The following ATG2A variants were observed in gnomAD, a reference collection of about 807,000 sequenced individuals.
The protein encoded by ATG2A is autophagy related 2A, also known as autophagy-related protein 2 homolog A.
ATG2A carries 103 observed loss-of-function variants against 214.2 expected under a neutral mutation model. The observed-to-expected ratio is 0.48, with a 90% CI of 0.41 to 0.57. ATG2A has a LOEUF of 0.57. Among genes scored for constraint, ATG2A ranks in the 20% least tolerant of loss-of-function variants. The probability of loss-of-function intolerance (pLI) is 0.00; values close to 1 mark genes in which losing one functional copy is unlikely to be tolerated. For synonymous variants in ATG2A, 1,160 were observed against 1,142.1 expected (o/e 1.02, Z -0.32); for missense variants, 2,312 against 2,613.2 (o/e 0.88, Z 2.51).
chr11:64,903,761 A>T lies in ATG2A; in HGVS notation c.3465-101T>A. ...CCCAAGCCCACAGGAGGTGGTATGGACAGGCCCCTCCAGCCTCAGCGTTCC... is the reference window on the plus strand; with the variant it reads ...CCCAAGCCCACAGGAGGTGGTATGGTCAGGCCCCTCCAGCCTCAGCGTTCC... On this transcript the variant is annotated intron_variant, in intron 24 of 40. Coordinates refer to ENST00000377264, the MANE Select transcript of ATG2A (RefSeq NM_015104.3). The surrounding 1 kb of genome is among the most constrained non-coding windows in gnomAD (Gnocchi z 4.2). 8.6e-7 allele frequency: 1 copy of T among 1,158,186 alleles called. No individual in the cohort carries two copies. Among genetic ancestry groups the T allele is most frequent in the African/African-American group, 1.5e-5 (1 of 64,544 alleles). The allele number at this position is 1,158,186 out of a possible 1,614,324, so 71.7% of individuals were successfully genotyped here.
intron 36 of ATG2A, 33 bp from the exon 37 acceptor site, chr11:64,897,527 T>C: frequency 6.3e-7 from 1 of 1,589,632 alleles, no homozygotes; most frequent in Non-Finnish European, 8.6e-7. Context: ...GTTTACCCAA[T>C]GGGACTCAGG....
At chr11:64,912,453 T>TA in intron 6 of ATG2A, 30 bp from the exon 7 acceptor site, 2 of 1,525,058 alleles carry the variant, frequency 1.3e-6, no homozygotes, top group Non-Finnish European at 1.8e-6. Context: ...CCATGGAGCC[T>TA]AGGCCCACCA....
In ATG2A at chr11:64,910,718, G is replaced by A. The variant is rs1274906375; in HGVS notation, c.1615-10C>T. ...CAGGAAAGGTCAGGATCTGGGATGG[G>A]ACCCGGGAGGCACACAGGGTCAGGC... On this transcript the variant is annotated splice_polypyrimidine_tract_variant and intron_variant, in intron 11 of 40. Coordinates refer to ENST00000377264, the MANE Select transcript of ATG2A (RefSeq NM_015104.3). 3.7e-6 allele frequency: 6 copies of A among 1,609,904 alleles called. No individual in the cohort carries two copies. Among genetic ancestry groups the A allele is most frequent in the Non-Finnish European group, 5.1e-6 (6 of 1,178,416 alleles).
Position 64,901,071 on chromosome 11 carries a change from C to T in ATG2A, c.4141G>A (p.Val1381Met). 1 of 1,573,206 alleles carries T rather than the reference C, an allele frequency of 6.4e-7. No homozygotes were observed. Among genetic ancestry groups the T allele is most frequent in the Non-Finnish European group, 8.6e-7 (1 of 1,159,556 alleles). The change falls in exon 30 of 41, where the codon GTG becomes ATG. Residue 1381 changes from valine (V) to methionine (M), a missense_variant. Physicochemically the swap from Val to Met is conservative, Grantham distance 21 (BLOSUM62 1). Coordinates refer to ENST00000377264, the MANE Select transcript of ATG2A (RefSeq NM_015104.3). ...GIPPRDGEPV[V>M]TQLHPGPIVV... Reference sequence around the variant, plus strand: ...ATGGGGCCGGGATGCAGCTGTGTCACCACAGGCTCCCCATCTCGGGGCTGC... The same window carrying T: ...ATGGGGCCGGGATGCAGCTGTGTCATCACAGGCTCCCCATCTCGGGGCTGC...
chr11:64,897,409 C>T lies in ATG2A; in HGVS notation c.5150+3G>A, dbSNP rs1944192308. On this transcript the variant is annotated splice_donor_region_variant and intron_variant, in intron 37 of 40. Transcript: ENST00000377264. The stretch of plus-strand genomic sequence containing the variant: ...GAGAGAGGCTGGGGTGCTGGGGACT[C>T]ACCCGTGCCTGCAACAGAGCCGCTT... The T allele has an allele frequency of 6.4e-7, 1 of 1,559,568 alleles. No homozygotes were observed. Among genetic ancestry groups the T allele is most frequent in the Middle Eastern group, 1.7e-4 (1 of 5,996 alleles).
Position 64,900,532 on chromosome 11 carries a change from G to T in ATG2A, c.4426C>A (p.Arg1476=), listed in dbSNP as rs970063407. The T allele has an allele frequency of 2.2e-5, 35 of 1,613,256 alleles. No homozygotes were observed. The Admixed American group carries it at 5.8e-4, about 27-fold the overall frequency. The change falls in exon 31 of 41, where the codon CGG becomes AGG. Residue 1476 remains arginine (R), a synonymous_variant. Transcript: ENST00000377264. ...ATCTCCATGAGGACATGGTGCTGCCGCCCGCTGCCCCCCTGCGTGCGCCAT... is the reference window on the plus strand; with the variant it reads ...ATCTCCATGAGGACATGGTGCTGCCTCCCGCTGCCCCCCTGCGTGCGCCAT... ...NSWRTQGGSG[R]QHHVLMEIQL... is the part of the protein sequence containing the mutation.
At chr11:64,916,639 G>A (rs1283549958) in intron 1 of ATG2A, among the ~76,000 whole-genome samples, 2 of 151,952 alleles carry the variant, frequency 1.3e-5, no homozygotes, top group African/African-American at 4.8e-5. Context: ...TCCCTCCCCA[G>A]CCCCTCCTCA....
chr11:64,906,738 G>A lies in ATG2A; in HGVS notation c.2910C>T (p.Val970=). 1 of 1,613,700 alleles carries A rather than the reference G, an allele frequency of 6.2e-7. No individual in the cohort carries two copies. The highest frequency in any genetic ancestry group is 8.5e-7 in the Non-Finnish European group (1 of 1,180,018). ...GTCCTGGCTGGCCACAGTACTGGGA[G>A]ACGCTGAAGAGGGTACCGTGCTCCA... ...LDMEHGTLFS[V]SQYCGQPGLG... is the part of the protein sequence containing the mutation. Residue 970 remains valine, a synonymous_variant, in exon 20 of 41, where the codon GTC becomes GTT. Transcript: ENST00000377264.
chr11:64,909,892 C>T lies in ATG2A; in HGVS notation c.1896G>A (p.Thr632=), dbSNP rs149370775. 3.7e-6 allele frequency: 6 copies of T among 1,606,700 alleles called. No homozygotes were observed. The highest frequency in any genetic ancestry group is 2.2e-5 in the East Asian group (1 of 44,750). The change falls in exon 14 of 41, where the codon ACG becomes ACA. Residue 632 remains threonine, a synonymous_variant. Transcript: ENST00000377264. The stretch of plus-strand genomic sequence containing the variant: ...CCCGGGGTGCAGAGAGCCGAAATAC[C>T]GTCTGCTGCTCCATCGCCGGCAGGG... ...TEPLPAMEQQ[T]VFRLSAPRAT...
Position 64,898,903 on chromosome 11 carries a change from G to T in ATG2A, c.4465-61C>A. Reference sequence around the variant, plus strand: ...GGCCCCAAGAGGGAGGGAAGGGCTGGCCCCAGACCCCTTCTCTATTCTTTT... The same window carrying T: ...GGCCCCAAGAGGGAGGGAAGGGCTGTCCCCAGACCCCTTCTCTATTCTTTT... On this transcript the variant is annotated intron_variant, in intron 31 of 40. Transcript: ENST00000377264. The surrounding 1 kb of genome is among the most constrained non-coding windows in gnomAD (Gnocchi z 4.5). 1 of 1,493,004 alleles carries T rather than the reference G, an allele frequency of 6.7e-7. No individual in the cohort carries two copies. Among genetic ancestry groups the T allele is most frequent in the South Asian group, 1.1e-5 (1 of 87,076 alleles). 92.5% of individuals were successfully genotyped at this position (1,493,004 alleles called of 1,614,324 possible). A position where few individuals can be genotyped will look rare whatever the true frequency, so the allele number is the denominator to read the frequency against.
At chr11:64,907,208 A>G (rs1035013723) in intron 19 of ATG2A, 47 bp downstream of exon 19, 78 of 1,455,908 alleles carry the variant, frequency 5.4e-5, no homozygotes, top group Non-Finnish European at 6.6e-5. Flanking sequence ...TCTGCCGCCA[A>G]TGGGAGCTCT....
At position 64,910,084 on chromosome 11, in the gene ATG2A, G is replaced by A. The variant is rs1312068896; in HGVS notation, c.1819C>T (p.Leu607=). The A allele has an allele frequency of 1.2e-6, 2 of 1,607,898 alleles. No homozygotes were observed. The highest frequency in any genetic ancestry group is 4.5e-5 in the East Asian group (2 of 44,856). The change falls in exon 13 of 41, where the codon CTG becomes TTG. Residue 607 remains leucine (L), a synonymous_variant. Coordinates refer to ENST00000377264, the MANE Select transcript of ATG2A (RefSeq NM_015104.3). The stretch of plus-strand genomic sequence containing the variant: ...TCAGCAGGTACGGTGGCCAGGCGCA[G>A]TAGGGCGGCCAGCCGGTCCAGGGCC... ...LGALDRLAAL[L]RLATVPAEPP... is the part of the protein sequence containing the mutation.
At chr11:64,911,727 T>C in intron 9 of ATG2A, 115 bp downstream of exon 9, 3 of 1,422,444 alleles carry the variant, frequency 2.1e-6, no homozygotes, top group Non-Finnish European at 1.9e-6. Context: ...AAGTCACAGA[T>C]GGTAGATATC....
intron 8 of ATG2A, 33 bp from the exon 9 acceptor site, chr11:64,912,015 C>T (rs377657118): frequency 9.9e-6 from 16 of 1,613,402 alleles, no homozygotes; most frequent in African/African-American, 6.7e-5. Flanking sequence ...CAGGGACAGC[C>T]GACCCCAGCC....
In ATG2A at chr11:64,910,182, C is replaced by T. The variant is rs201438126; in HGVS notation, c.1721G>A (p.Arg574His). The stretch of plus-strand genomic sequence containing the variant: ...TGAGTGGCAATGGCAGGCAACTGAG[C>T]GCCGGGGTCGGCTCTGAGGGCGAGG... ...LRRVPKSRPRRSVACHCHSEL... is the reference protein window; with the variant it reads ...LRRVPKSRPRHSVACHCHSEL... Residue 574 changes from arginine to histidine, a missense_variant, in exon 13 of 41, where the codon CGC becomes CAC. Coordinates refer to ENST00000377264, the MANE Select transcript of ATG2A (RefSeq NM_015104.3). The T allele has an allele frequency of 6.2e-6, 10 of 1,601,854 alleles. No individual in the cohort carries two copies. Among genetic ancestry groups the T allele is most frequent in the East Asian group, 4.5e-5 (2 of 44,842 alleles).
Position 64,894,583 on chromosome 11 carries a change from G to A in ATG2A, c.*390C>T, listed in dbSNP as rs756230557. The A allele has an allele frequency of 1.6e-5, 8 of 492,880 alleles. No homozygotes were observed. The highest frequency in any genetic ancestry group is 3.0e-4 in the Middle Eastern group (1 of 3,304). The allele number at this position is 492,880 out of a possible 1,614,324, so 30.5% of individuals were successfully genotyped here. A position where few individuals can be genotyped will look rare whatever the true frequency, so the allele number is the denominator to read the frequency against. ...GTTTATTCCACTTCATGCAGACACTGACCCACGCACTCACGGAGCTTAAAA... is the reference window on the plus strand; with the variant it reads ...GTTTATTCCACTTCATGCAGACACTAACCCACGCACTCACGGAGCTTAAAA... On this transcript the variant is annotated 3_prime_UTR_variant, in exon 41 of 41. Coordinates refer to ENST00000377264, the MANE Select transcript of ATG2A (RefSeq NM_015104.3).
Position 64,906,736 on chromosome 11 carries a change from G to C in ATG2A, c.2912C>G (p.Ser971Cys). 2 of 1,613,676 alleles carry C rather than the reference G, an allele frequency of 1.2e-6. No homozygotes were observed. The highest frequency in any genetic ancestry group is 1.3e-5 in the African/African-American group (1 of 75,022). ...DMEHGTLFSV[S>C]QYCGQPGLGY... is the part of the protein sequence containing the mutation. ...AAGTCCTGGCTGGCCACAGTACTGGGAGACGCTGAAGAGGGTACCGTGCTC... is the reference window on the plus strand; with the variant it reads ...AAGTCCTGGCTGGCCACAGTACTGGCAGACGCTGAAGAGGGTACCGTGCTC... Residue 971 changes from serine (S) to cysteine (C), a missense_variant, in exon 20 of 41, where the codon TCC becomes TGC. Ser to Cys is a moderately radical substitution (Grantham distance 112, BLOSUM62 -1). Transcript: ENST00000377264.
In ATG2A at chr11:64,897,980, G is replaced by A; in HGVS notation, c.4859-6C>T. ...GGCTCGAGTCTCGGGGCGAGCTAGG[G>A]GAGGGGAGGTCACAGACTGGGGATG... is the stretch of plus-strand genomic sequence containing the variant. On this transcript the variant is annotated splice_region_variant and splice_polypyrimidine_tract_variant and intron_variant, in intron 34 of 40. Coordinates refer to ENST00000377264, the MANE Select transcript of ATG2A (RefSeq NM_015104.3). The A allele has an allele frequency of 1.3e-6, 2 of 1,563,584 alleles. No homozygotes were observed. The highest frequency in any genetic ancestry group is 2.2e-5 in the East Asian group (1 of 44,568).
Position 64,896,774 on chromosome 11 carries a change from C to G in ATG2A, c.5246G>C (p.Gly1749Ala). 6.2e-7 allele frequency: 1 copy of G among 1,614,240 alleles called. No individual in the cohort carries two copies. Among genetic ancestry groups the G allele is most frequent in the African/African-American group, 1.3e-5 (1 of 75,076 alleles). ...GAGCTGGACAACCGAGTGCATGGGG[C>G]CCACGCCTCCCAGCAGGCCGGGCAG... ...NQLPGLLGGV[G>A]PMHSVVQLFQ... Residue 1749 changes from glycine (G) to alanine (A), a missense_variant, in exon 38 of 41, where the codon GGC becomes GCC. Coordinates refer to ENST00000377264, the MANE Select transcript of ATG2A (RefSeq NM_015104.3).
Sources: gnomAD v4.1 joint callset for allele counts (sites outside exome capture counted in the v4.1 genomes callset) on GRCh38, gnomAD v4.1.1 for gene constraint, Gnocchi (gnomAD v3.1) non-coding constraint, MANE v1.5 for transcripts, NCBI Gene and HGNC (gene_info 2026-07-23, HGNC 2026-07-21) for gene names.